The following RFX2 variants were observed in gnomAD, a reference collection of about 807,000 sequenced individuals.
RFX2 encodes DNA-binding protein RFX2.
RFX2 carries 20 observed loss-of-function variants against 87.8 expected under a neutral mutation model. The ratio of observed to expected loss-of-function variants is 0.23; its 90% confidence interval spans 0.16 to 0.33. The LOEUF (loss-of-function observed/expected upper bound fraction) is 0.33, where lower values mean the gene tolerates loss of function less well. RFX2 is among the 10% of genes least tolerant of loss of function. The pLI, the probability that RFX2 is intolerant of heterozygous loss-of-function variation, is 1.00. For missense variants in RFX2, 767 were observed against 1,012.3 expected (o/e 0.76, Z 3.29); for synonymous variants, 397 against 431.3 (o/e 0.92, Z 0.98).
At position 6,006,095 on chromosome 19, in the gene RFX2, C is replaced by T. The variant is rs145977461; in HGVS notation, c.1402+917G>A. ...ACCAGAGCCACTGTGACCTTCCCCT[C>T]GAGTCAGAGACAAGGACAAATAACG... On this transcript the variant is annotated intron_variant, in intron 12 of 17. Coordinates refer to ENST00000303657, the MANE Select transcript of RFX2 (RefSeq NM_000635.4). Among the ~76,000 whole-genome samples, 7 of 152,324 alleles carry T rather than the reference C, an allele frequency of 4.6e-5. No homozygotes were observed. In the South Asian group the frequency reaches 1.0e-3, roughly 23 times the overall value.
rs2087337566 is a variant in RFX2, at chr19:6,056,169, TG to T, written c.-8-8666del. Reference sequence around the variant, plus strand: ...AGCCAGCTAAGGTTTGTGCACTTACTGTATGTGAATTTTAACAATGACAACG... The same window carrying T: ...AGCCAGCTAAGGTTTGTGCACTTACTTATGTGAATTTTAACAATGACAACG... On this transcript the variant is annotated intron_variant, in intron 1 of 17. Coordinates refer to ENST00000303657, the MANE Select transcript of RFX2 (RefSeq NM_000635.4). This position sits in a 1 kb window ranked among gnomAD's most constrained non-coding sequence, Gnocchi z 4.6. Among the ~76,000 whole-genome samples, 1 of 152,124 alleles carries T rather than the reference TG, an allele frequency of 6.6e-6. No individual in the cohort carries two copies. The highest frequency in any genetic ancestry group is 1.5e-5 in the Non-Finnish European group (1 of 68,026).
rs527528793 is a variant in RFX2, at chr19:6,024,567, C to T, written c.597+1596G>A. On this transcript the variant is annotated intron_variant, in intron 6 of 17. Transcript: ENST00000303657. This position sits in a 1 kb window ranked among gnomAD's most constrained non-coding sequence, Gnocchi z 5.0. ...AGGGCAGAGGCCTCGTCAGGGGCTG[C>T]GGTGAGCAGGTGACCACACCTGTAC... 8.5e-5 allele frequency among the ~76,000 whole-genome samples: 13 copies of T among 152,356 alleles called. No individual in the cohort carries two copies. Among genetic ancestry groups the T allele is most frequent in the South Asian group, 4.1e-4 (2 of 4,826 alleles).
chr19:6,038,845 C>G (rs1029411454), intron 5 of RFX2, among the ~76,000 whole-genome samples: 1 of 152,182 alleles, frequency 6.6e-6, no homozygotes, highest in African/African-American at 2.4e-5. Flanking sequence ...CGGAGAGGAG[C>G]AAGAGGAACT....
At chr19:5,996,249 T>C (rs1164390951) in intron 16 of RFX2, among the ~76,000 whole-genome samples, 1 of 40,912 alleles carries the variant, frequency 2.4e-5, no homozygotes, top group South Asian at 6.5e-4. Flanking sequence ...AACACAGGAG[T>C]GCACACAAAC....
rs956414630 is a variant in RFX2, at chr19:6,011,050, A to T, written c.900-799T>A. Among the ~76,000 whole-genome samples, 1 of 152,132 alleles carries T rather than the reference A, an allele frequency of 6.6e-6. No homozygotes were observed. Among genetic ancestry groups the T allele is most frequent in the Non-Finnish European group, 1.5e-5 (1 of 68,026 alleles). ...AGAATCACTTGAACCTGGGAGGCAG[A>T]GGTTGCAGTGAGCCGAGTTCACGCC... On this transcript the variant is annotated intron_variant, in intron 8 of 17. Transcript: ENST00000303657. The surrounding 1 kb of genome is among the most constrained non-coding windows in gnomAD (Gnocchi z 4.8).
At chr19:6,046,778 A>T (rs899767709) in intron 2 of RFX2, among the ~76,000 whole-genome samples, 3 of 150,976 alleles carry the variant, frequency 2.0e-5, no homozygotes, top group Admixed American at 6.6e-5. Context: ...TTTATTTTTT[A>T]TTTCTTAAAG....
chr19:6,108,390 G>A (rs1379485643), intron 1 of RFX2, among the ~76,000 whole-genome samples: 4 of 152,174 alleles, frequency 2.6e-5, no homozygotes, highest in Non-Finnish European at 5.9e-5. Context: ...CGGGAGGTAA[G>A]GATCTTTCCA....
chr19:5,995,252 G>T (rs575902476), intron 17 of RFX2, among the ~76,000 whole-genome samples: 1 of 152,140 alleles, frequency 6.6e-6, no homozygotes, highest in African/African-American at 2.4e-5. Flanking sequence ...CCTCCCACCC[G>T]CATGGGACAG....
rs968428363 is a variant in RFX2, at chr19:6,021,341, C to T, written c.597+4822G>A. On this transcript the variant is annotated intron_variant, in intron 6 of 17. Coordinates refer to ENST00000303657, the MANE Select transcript of RFX2 (RefSeq NM_000635.4). The surrounding 1 kb of genome is among the most constrained non-coding windows in gnomAD (Gnocchi z 5.7). ...GGCGAATAAAAGACAAAAACCCCTG[C>T]CCCCTGGAAGCGTCCGTTCTTGTCT... 1.3e-5 allele frequency among the ~76,000 whole-genome samples: 2 copies of T among 152,184 alleles called. No individual in the cohort carries two copies. The highest frequency in any genetic ancestry group is 1.3e-4 in the Admixed American group (2 of 15,276).
Position 5,995,495 on chromosome 19 carries a change from C to A in RFX2, c.2056+106G>T. 4.3e-6 allele frequency: 5 copies of A among 1,155,658 alleles called. No homozygotes were observed. The South Asian group carries it at 5.3e-5, about 12-fold the overall frequency. 71.6% of individuals were successfully genotyped at this position (1,155,658 alleles called of 1,614,324 possible). A position where few individuals can be genotyped will look rare whatever the true frequency, so the allele number is the denominator to read the frequency against. On this transcript the variant is annotated intron_variant, in intron 17 of 17. Coordinates refer to ENST00000303657, the MANE Select transcript of RFX2 (RefSeq NM_000635.4). ...CCCAGGGCCCTCACCCCCCAAGGGGCTGCCCGCATTTCCACCTGTTCATCA... is the reference window on the plus strand; with the variant it reads ...CCCAGGGCCCTCACCCCCCAAGGGGATGCCCGCATTTCCACCTGTTCATCA...
At chr19:6,025,933 C>A (rs1433609406) in intron 6 of RFX2, among the ~76,000 whole-genome samples, 1 of 151,630 alleles carries the variant, frequency 6.6e-6, no homozygotes, top group East Asian at 1.9e-4. Context: ...TTACAGGCGC[C>A]CACCACCATG....
chr19:6,016,867 G>A lies in RFX2; in HGVS notation c.598-596C>T, dbSNP rs868830270. Among the ~76,000 whole-genome samples, 3 of 152,258 alleles carry A rather than the reference G, an allele frequency of 2.0e-5. No homozygotes were observed. The South Asian group carries it at 6.2e-4, about 32-fold the overall frequency. On this transcript the variant is annotated intron_variant, in intron 6 of 17. Coordinates refer to ENST00000303657, the MANE Select transcript of RFX2 (RefSeq NM_000635.4). This position sits in a 1 kb window ranked among gnomAD's most constrained non-coding sequence, Gnocchi z 5.4. ...AGCTTCTGTCTTCAGTCCCTTAAAT[G>A]AAATACCCACACACCACACAGGCTT...
intron 1 of RFX2, among the ~76,000 whole-genome samples, chr19:6,084,975 T>C (rs779491244): frequency 2.0e-5 from 3 of 152,170 alleles, no homozygotes; most frequent in African/African-American, 4.8e-5. Context: ...TCACTGAGCA[T>C]GATGTCCTTA....
chr19:6,059,440 T>A (rs1336820249), intron 1 of RFX2, among the ~76,000 whole-genome samples: 2 of 152,186 alleles, frequency 1.3e-5, no homozygotes, highest in Non-Finnish European at 2.9e-5. Flanking sequence ...CAGCAAATAC[T>A]CTTTTGGCAG....
chr19:6,012,849 G>A lies in RFX2; in HGVS notation c.899+137C>T. 7 of 838,306 alleles carry A rather than the reference G, an allele frequency of 8.4e-6. No homozygotes were observed. The South Asian group carries it at 1.8e-4, about 21-fold the overall frequency. 51.9% of individuals were successfully genotyped at this position (838,306 alleles called of 1,614,324 possible). A position where few individuals can be genotyped will look rare whatever the true frequency, so the allele number is the denominator to read the frequency against. ...TCCTGCTAGACTCACCTCAGTCTCA[G>A]CAGAGGGGGATACCTTGGCTTTCCC... On this transcript the variant is annotated intron_variant, in intron 8 of 17. Transcript: ENST00000303657. This position sits in a 1 kb window ranked among gnomAD's most constrained non-coding sequence, Gnocchi z 4.6.
intron 1 of RFX2, chr19:6,073,455 A>G: frequency 4.2e-6 from 4 of 942,894 alleles, no homozygotes; most frequent in Non-Finnish European, 6.4e-6. Context: ...AAACAAAACC[A>G]TCGTGGAAAG....
chr19:6,020,593 G>T lies in RFX2; in HGVS notation c.598-4322C>A, dbSNP rs962877166. Among the ~76,000 whole-genome samples the T allele has an allele frequency of 6.6e-6, 1 of 152,196 alleles. No homozygotes were observed. Among genetic ancestry groups the T allele is most frequent in the Non-Finnish European group, 1.5e-5 (1 of 68,036 alleles). ...CTCGGTGCTGGAGCCCACACCTGGC[G>T]GCACGTCAGACTGCGGCAAGCATCA... On this transcript the variant is annotated intron_variant, in intron 6 of 17. Transcript: ENST00000303657. This position sits in a 1 kb window ranked among gnomAD's most constrained non-coding sequence, Gnocchi z 5.3.
In RFX2 at chr19:6,001,929, T is replaced by C. The variant is rs1177865213; in HGVS notation, c.1745A>G (p.Asp582Gly). Residue 582 changes from aspartate (D) to glycine (G), a missense_variant, in exon 15 of 18, where the codon GAC becomes GGC. Around this residue, in one of 2 missense-constraint regions of RFX2, gnomAD observed 621 missense variants for 873.0 expected, o/e 0.71. Transcript: ENST00000303657. This position sits in a 1 kb window ranked among gnomAD's most constrained non-coding sequence, Gnocchi z 5.6. ...ACTGTCCAGCCAGCTGGCCCACTGG[T>C]CCAGGGAGCTCTGCTGCTGCAGGGT... ...KLTLQQQSSLDQWASWLDSVV... is the reference protein window; with the variant it reads ...KLTLQQQSSLGQWASWLDSVV... 1.2e-6 allele frequency: 2 copies of C among 1,612,866 alleles called. No individual in the cohort carries two copies. The highest frequency in any genetic ancestry group is 8.5e-7 in the Non-Finnish European group (1 of 1,179,948).
At position 6,064,620 on chromosome 19, in the gene RFX2, C is replaced by T. The variant is rs764488497; in HGVS notation, c.-8-17116G>A. 4.6e-5 allele frequency among the ~76,000 whole-genome samples: 7 copies of T among 152,234 alleles called. No homozygotes were observed. Among genetic ancestry groups the T allele is most frequent in the Non-Finnish European group, 1.0e-4 (7 of 68,040 alleles). ...AGCACGCCCACTGGGCACCTGTGCC[C>T]ACCTGGGGATGGGGTCTCGTCCTGC... On this transcript the variant is annotated intron_variant, in intron 1 of 17. Transcript: ENST00000303657. The surrounding 1 kb of genome is among the most constrained non-coding windows in gnomAD (Gnocchi z 4.8).
Sources: gnomAD v4.1 joint callset for allele counts (sites outside exome capture counted in the v4.1 genomes callset) on GRCh38, gnomAD v4.1.1 for gene constraint, gnomAD v4.1.1 regional missense constraint, Gnocchi (gnomAD v3.1) non-coding constraint, MANE v1.5 for transcripts, NCBI Gene and HGNC (gene_info 2026-07-23, HGNC 2026-07-21) for gene names.